The following FAT3 variants were observed in gnomAD, a reference collection of about 807,000 sequenced individuals.
FAT3 encodes the protein protocadherin Fat 3.
A neutral mutation model predicts 310.2 loss-of-function variants in FAT3; 95 were observed. The observed-to-expected ratio is 0.31, with a 90% CI of 0.26 to 0.36. The LOEUF is 0.36. Ranked by LOEUF, FAT3 falls within the 10% of genes least tolerant of loss-of-function variation. FAT3 has a pLI of 1.00. For missense variants in FAT3, 5,408 were observed against 5,715.6 expected (o/e 0.95, Z 1.74); for synonymous variants, 2,314 against 2,192.9 (o/e 1.06, Z -1.54).
At chr11:92,541,511 G>A (rs1287833900) in intron 3 of FAT3, among the ~76,000 whole-genome samples, 1 of 152,084 alleles carries the variant, frequency 6.6e-6, no homozygotes, top group African/African-American at 2.4e-5. Flanking sequence ...TATTGACATA[G>A]TCTGCAAGTT....
chr11:92,559,575 A>G (rs1031398863), intron 3 of FAT3: 1 of 227,814 alleles, frequency 4.4e-6, no homozygotes, highest in East Asian at 1.5e-4. Context: ...TGAGAGTCTC[A>G]CTATGTTGCC....
chr11:92,431,051 T>G (rs890449405), intron 2 of FAT3, among the ~76,000 whole-genome samples: 37 of 152,184 alleles, frequency 2.4e-4, no homozygotes, highest in Admixed American at 8.5e-4. Context: ...GGGTCAAATG[T>G]TATTTCTAGT....
chr11:92,698,869 A>G (rs1443273817), intron 4 of FAT3, among the ~76,000 whole-genome samples: 1 of 152,164 alleles, frequency 6.6e-6, no homozygotes, highest in Admixed American at 6.5e-5. Flanking sequence ...AGTTGAACCC[A>G]TTACTTCCCA....
intron 19 of FAT3, among the ~76,000 whole-genome samples, chr11:92,851,392 A>C (rs1266605529): frequency 6.6e-6 from 1 of 152,204 alleles, no homozygotes; most frequent in Non-Finnish European, 1.5e-5. Context: ...ATAAAGAATC[A>C]TTATCTTAAT....
chr11:92,585,049 G>T (rs778521703), intron 3 of FAT3, among the ~76,000 whole-genome samples: 8 of 151,878 alleles, frequency 5.3e-5, no homozygotes, highest in Non-Finnish European at 1.0e-4. Context: ...AACATCCTGT[G>T]GCAAGAGAAA....
chr11:92,728,562 C>G (rs1164008100), intron 4 of FAT3, among the ~76,000 whole-genome samples: 1 of 151,970 alleles, frequency 6.6e-6, no homozygotes, highest in African/African-American at 2.4e-5. Context: ...TCTGGGGCTG[C>G]TATAAAACAA....
At chr11:92,357,751 T>C (rs879775606) in intron 2 of FAT3, among the ~76,000 whole-genome samples, 15 of 152,054 alleles carry the variant, frequency 9.9e-5, no homozygotes, top group Non-Finnish European at 1.6e-4. Flanking sequence ...TTGGAACAAT[T>C]TGGTATTAGT....
At chr11:92,453,485 T>C (rs1951415648) in intron 2 of FAT3, among the ~76,000 whole-genome samples, 1 of 152,144 alleles carries the variant, frequency 6.6e-6, no homozygotes, top group Non-Finnish European at 1.5e-5. Context: ...TTTCCAATTT[T>C]TTTTTTTTGT....
chr11:92,524,778 C>T lies in FAT3; in HGVS notation c.3437C>T (p.Pro1146Leu), dbSNP rs755440101. ...IEVEDVNDNA[P>L]LTSEPIYYPV... Reference sequence around the variant, plus strand: ...GTTGAAGATGTGAATGACAATGCCCCGCTGACCTCAGAACCTATATATTAT... The same window carrying T: ...GTTGAAGATGTGAATGACAATGCCCTGCTGACCTCAGAACCTATATATTAT... The change falls in exon 3 of 28, where the codon CCG (proline) becomes CTG (leucine). Residue 1146 changes from proline (P) to leucine (L), a missense_variant. This residue lies in a region of FAT3 where 4,588 missense variants were observed against 4,809.8 expected (regional missense o/e 0.95). Transcript: ENST00000525166. The T allele has an allele frequency of 1.1e-5, 17 of 1,613,716 alleles. No homozygotes were observed. The highest frequency in any genetic ancestry group is 2.2e-5 in the East Asian group (1 of 44,840).
chr11:92,744,823 C>G (rs747284604), intron 4 of FAT3, among the ~76,000 whole-genome samples: 6 of 152,180 alleles, frequency 3.9e-5, no homozygotes, highest in African/African-American at 4.8e-5. Context: ...TTCATGATCT[C>G]TACCTTAGTC....
intron 3 of FAT3, among the ~76,000 whole-genome samples, chr11:92,570,587 T>G (rs1016053926): frequency 6.6e-6 from 1 of 152,220 alleles, no homozygotes; most frequent in Non-Finnish European, 1.5e-5. Context: ...ATCAGAATAT[T>G]CTAAAGAAAA....
At chr11:92,270,686 C>CAATA (rs891361199) in intron 1 of FAT3, among the ~76,000 whole-genome samples, 49 of 151,754 alleles carry the variant, frequency 3.2e-4, no homozygotes, top group South Asian at 1.0e-3. Flanking sequence ...AACTTCACCT[C>CAATA]AATAAATAAA....
At chr11:92,710,003 G>A (rs190977295) in intron 4 of FAT3, among the ~76,000 whole-genome samples, 1 of 152,264 alleles carries the variant, frequency 6.6e-6, no homozygotes, top group East Asian at 1.9e-4. Flanking sequence ...ATGCTGATAA[G>A]TCTTGAAATT....
At chr11:92,287,279 G>C (rs946125276) in intron 1 of FAT3, among the ~76,000 whole-genome samples, 2 of 152,098 alleles carry the variant, frequency 1.3e-5, no homozygotes, top group East Asian at 3.9e-4. Context: ...ATTTTTAATA[G>C]AGGAATAGGC....
At chr11:92,556,586 G>C (rs1955027191) in intron 3 of FAT3, among the ~76,000 whole-genome samples, 2 of 152,150 alleles carry the variant, frequency 1.3e-5, no homozygotes, top group South Asian at 4.1e-4. Context: ...TCTGATATCA[G>C]AAATATCTGT....
At chr11:92,539,392 GT>G (rs1414179977) in intron 3 of FAT3, among the ~76,000 whole-genome samples, 1 of 152,140 alleles carries the variant, frequency 6.6e-6, no homozygotes, top group Non-Finnish European at 1.5e-5. Flanking sequence ...GCCTGCATAT[GT>G]TTAGAAATAT....
chr11:92,856,831 A>G (rs1021751333), intron 19 of FAT3, among the ~76,000 whole-genome samples: 15 of 152,156 alleles, frequency 9.9e-5, no homozygotes, highest in Admixed American at 5.9e-4. Context: ...GATACATTCA[A>G]ATAGCCTCCA....
chr11:92,364,869 G>A (rs1485612893), intron 2 of FAT3, among the ~76,000 whole-genome samples: 1 of 152,002 alleles, frequency 6.6e-6, no homozygotes. Context: ...TATTCTAGTT[G>A]GTTTTAAAAA....
intron 2 of FAT3, among the ~76,000 whole-genome samples, chr11:92,449,586 C>T (rs540701508): frequency 1.6e-4 from 25 of 152,134 alleles, no homozygotes; most frequent in Non-Finnish European, 3.1e-4. Flanking sequence ...GAACATACAT[C>T]CTCATGAAAA....
Sources: gnomAD v4.1 joint callset for allele counts (sites outside exome capture counted in the v4.1 genomes callset) on GRCh38, gnomAD v4.1.1 for gene constraint, gnomAD v4.1.1 regional missense constraint, MANE v1.5 for transcripts, NCBI Gene and HGNC (gene_info 2026-07-23, HGNC 2026-07-21) for gene names.